The following PDE4D variants were observed in gnomAD, a reference collection of about 807,000 sequenced individuals.
PDE4D encodes phosphodiesterase 4D, also known as 3',5'-cyclic-AMP phosphodiesterase 4D.
A neutral mutation model predicts 87.4 loss-of-function variants in PDE4D; 24 were observed. The ratio of observed to expected loss-of-function variants is 0.27; its 90% CI spans 0.20 to 0.39. The LOEUF is 0.39. Among genes scored for constraint, PDE4D ranks in the 10% least tolerant of loss-of-function variants. The pLI is 1.00. For missense variants in PDE4D, 714 were observed against 1,041.0 expected (o/e 0.69, Z 4.32); for synonymous variants, 384 against 383.2 (o/e 1.00, Z -0.02).
intron 2 of PDE4D, among the ~76,000 whole-genome samples, chr5:60,046,653 A>C (rs1054445867): frequency 2.0e-5 from 3 of 152,162 alleles, no homozygotes; most frequent in Non-Finnish European, 2.9e-5. Flanking sequence ...GGTTCTGTTT[A>C]TATGCTGGAT....
intron 3 of PDE4D, among the ~76,000 whole-genome samples, chr5:59,932,000 G>A (rs879849055): frequency 1.1e-4 from 17 of 152,178 alleles, no homozygotes; most frequent in African/African-American, 2.9e-4. Flanking sequence ...TGTGGGGCGC[G>A]GCCATGGATT....
chr5:59,276,122 GAAAAAAAAAA>G (rs56153175), intron 1 of PDE4D: 71 of 854,574 alleles, frequency 8.3e-5, no homozygotes, highest in Non-Finnish European at 9.5e-5. Flanking sequence ...AGTGAGAAAG[GAAAAAAAAAA>G]AAAAAAAAAA....
intron 2 of PDE4D, among the ~76,000 whole-genome samples, chr5:60,014,643 TAA>T (rs770381604): frequency 6.6e-6 from 1 of 152,170 alleles, no homozygotes; most frequent in Admixed American, 6.5e-5. Context: ...GTGTCTGTCT[TAA>T]AGAGACTTGG....
intron 1 of PDE4D, among the ~76,000 whole-genome samples, chr5:59,807,097 C>T: frequency 6.6e-6 from 1 of 152,056 alleles, no homozygotes; most frequent in East Asian, 1.9e-4. Context: ...CCCTTTCTGG[C>T]CAGCACTGTG....
At chr5:59,264,635 T>G (rs533717317) in intron 1 of PDE4D, among the ~76,000 whole-genome samples, 4 of 152,120 alleles carry the variant, frequency 2.6e-5, no homozygotes, top group African/African-American at 9.6e-5. Context: ...TAATTTTTTT[T>G]CCCAAGCTGG....
intron 2 of PDE4D, among the ~76,000 whole-genome samples, chr5:60,086,625 G>T (rs762660255): frequency 1.3e-5 from 2 of 152,200 alleles, no homozygotes; most frequent in Non-Finnish European, 2.9e-5. Flanking sequence ...GGGGACAAAT[G>T]GTTATAAAGT....
At chr5:59,389,615 G>A (rs967312411) in intron 1 of PDE4D, among the ~76,000 whole-genome samples, 29 of 152,090 alleles carry the variant, frequency 1.9e-4, no homozygotes, top group African/African-American at 6.8e-4. Context: ...TCAAAGGAAA[G>A]GAAATCAGTA....
At position 59,469,284 on chromosome 5, in the gene PDE4D, C is replaced by T. The variant is rs550199644; in HGVS notation, c.456-253316G>A. 8.5e-4 allele frequency among the ~76,000 whole-genome samples: 130 copies of T among 152,086 alleles called. 2 individuals carry two copies. Among genetic ancestry groups the T allele is most frequent in the Non-Finnish European group, 9.9e-4 (67 of 67,978 alleles). On this transcript the variant is annotated intron_variant, in intron 1 of 14. Coordinates refer to ENST00000340635, the MANE Select transcript of PDE4D (RefSeq NM_001104631.2). ...CGGACCTTGCAGTGAGCTGAGATCA[C>T]GCCACCGCACTCCAGCCTGGTTGAC...
chr5:60,374,915 A>G (rs1761318480), intron 1 of PDE4D, among the ~76,000 whole-genome samples: 1 of 152,106 alleles, frequency 6.6e-6, no homozygotes, highest in Admixed American at 6.5e-5. Context: ...TATAACCTTT[A>G]GGGAATTTTA....
At chr5:59,874,267 C>T (rs1384485518) in intron 1 of PDE4D, among the ~76,000 whole-genome samples, 10 of 152,120 alleles carry the variant, frequency 6.6e-5, no homozygotes, top group African/African-American at 2.4e-4. Flanking sequence ...CATAATGTCC[C>T]TTCACTCTAC....
chr5:60,434,357 A>T (rs9291691), intron 1 of PDE4D, among the ~76,000 whole-genome samples: 18,583 of 152,164 alleles, frequency 0.12, 1,213 homozygotes, highest in Non-Finnish European at 0.15. Flanking sequence ...TTTCTAAATT[A>T]TCAGAAACCA....
intron 2 of PDE4D, among the ~76,000 whole-genome samples, chr5:60,066,547 A>G (rs1487187702): frequency 1.3e-5 from 2 of 151,912 alleles, no homozygotes; most frequent in Non-Finnish European, 2.9e-5. Flanking sequence ...TATCATTATC[A>G]ACTCTGTTGC....
At chr5:59,509,121 A>G (rs1809810942) in intron 1 of PDE4D, among the ~76,000 whole-genome samples, 1 of 152,014 alleles carries the variant, frequency 6.6e-6, no homozygotes, top group African/African-American at 2.4e-5. Flanking sequence ...TTCTGGATTC[A>G]TTAGAGTGAA....
intron 2 of PDE4D, among the ~76,000 whole-genome samples, chr5:60,000,161 A>T (rs942360044): frequency 1.3e-5 from 2 of 152,184 alleles, no homozygotes; most frequent in Non-Finnish European, 2.9e-5. Context: ...AGAGAAGGAC[A>T]GAAAGCTTAT....
intron 3 of PDE4D, among the ~76,000 whole-genome samples, chr5:59,941,054 C>T (rs1460489336): frequency 1.3e-5 from 2 of 152,144 alleles, no homozygotes; most frequent in African/African-American, 4.8e-5. Flanking sequence ...TTCTTACTCC[C>T]CCTACCACCA....
At chr5:59,379,422 T>G (rs566406855) in intron 1 of PDE4D, among the ~76,000 whole-genome samples, 1 of 152,174 alleles carries the variant, frequency 6.6e-6, no homozygotes, top group Non-Finnish European at 1.5e-5. Flanking sequence ...TAAATTTTTT[T>G]AAAAATCATC....
chr5:59,742,442 A>C (rs1758994069), intron 1 of PDE4D, among the ~76,000 whole-genome samples: 1 of 152,214 alleles, frequency 6.6e-6, no homozygotes. Flanking sequence ...ACCATTCTAT[A>C]CTATTCATGC....
chr5:59,377,058 C>G (rs980102336), intron 1 of PDE4D, among the ~76,000 whole-genome samples: 1 of 152,038 alleles, frequency 6.6e-6, no homozygotes, highest in Non-Finnish European at 1.5e-5. Flanking sequence ...AAATGTAAAA[C>G]CCAAAGCTAT....
At chr5:59,287,180 C>T (rs1767111661) in intron 1 of PDE4D, among the ~76,000 whole-genome samples, 2 of 152,114 alleles carry the variant, frequency 1.3e-5, no homozygotes, top group Admixed American at 1.3e-4. Context: ...CAGGTGGGCC[C>T]ACTGCCCCAA....
Sources: allele counts gnomAD v4.1 joint callset (sites outside exome capture counted in the v4.1 genomes callset), GRCh38; gene constraint gnomAD v4.1.1; transcripts MANE v1.5; gene names NCBI Gene and HGNC (gene_info 2026-07-23, HGNC 2026-07-21).